ANO1: variants seen among roughly 807,000 people sequenced by gnomAD.
The protein encoded by ANO1 is anoctamin-1.
A neutral mutation model predicts 124.0 loss-of-function variants in ANO1; 59 were observed. That is an observed-to-expected ratio of 0.48 (90% CI 0.39 to 0.59). The LOEUF is 0.59. Among genes scored for constraint, ANO1 ranks in the 20% least tolerant of loss-of-function variants. The pLI, the probability that ANO1 is intolerant of heterozygous loss-of-function variation, is 0.00. For missense variants in ANO1, 1,059 were observed against 1,328.0 expected, an observed-to-expected ratio of 0.80 and a Z score of 3.15; for synonymous variants, 529 against 532.0, an observed-to-expected ratio of 0.99 and a Z score of 0.08.
chr11:70,119,502 T>C (rs1237470737), intron 8 of ANO1, among the ~76,000 whole-genome samples: 2 of 150,530 alleles, frequency 1.3e-5, no homozygotes, highest in East Asian at 4.0e-4. Context: ...GAATGAATGA[T>C]GGATGATGGG....
chr11:70,128,656 C>T (rs2135507807), intron 10 of ANO1, among the ~76,000 whole-genome samples: 1 of 152,368 alleles, frequency 6.6e-6, no homozygotes, highest in African/African-American at 2.4e-5. Flanking sequence ...CCTGCAGCTT[C>T]CGCCCCATCC....
intron 2 of ANO1, among the ~76,000 whole-genome samples, chr11:70,098,073 A>G (rs2045085379): frequency 6.6e-6 from 1 of 152,178 alleles, no homozygotes; most frequent in Admixed American, 6.5e-5. Flanking sequence ...GGCACCCGCC[A>G]AGGCTCCTGG....
intron 1 of ANO1, among the ~76,000 whole-genome samples, chr11:70,058,468 A>G (rs1042771347): frequency 1.3e-5 from 2 of 152,232 alleles, no homozygotes; most frequent in Non-Finnish European, 2.9e-5. Context: ...AAGGATTAAT[A>G]AAGTTTGTGA....
chr11:70,032,892 GA>G (rs1365941148), intron 1 of ANO1, among the ~76,000 whole-genome samples: 2 of 150,500 alleles, frequency 1.3e-5, no homozygotes, highest in African/African-American at 2.5e-5. Context: ...AGGAGGGAGA[GA>G]GAGAAGGGAG....
At chr11:70,098,832 T>C (rs991571254) in intron 2 of ANO1, among the ~76,000 whole-genome samples, 2 of 152,186 alleles carry the variant, frequency 1.3e-5, no homozygotes, top group African/African-American at 4.8e-5. Flanking sequence ...TCAGCATCCC[T>C]GCCCACTGTG....
chr11:70,111,865 T>G, intron 7 of ANO1, 103 bp downstream of exon 7: 1 of 1,213,858 alleles, frequency 8.2e-7, no homozygotes, highest in Non-Finnish European at 1.2e-6. Context: ...GGTCACAGCT[T>G]CCTGCTTGGC....
At chr11:69,981,838 A>G (rs1554996247), upstream of ANO1, among the ~76,000 whole-genome samples, 2 of 152,266 alleles carry the variant, frequency 1.3e-5, no homozygotes, top group Non-Finnish European at 2.9e-5. Context: ...CACCCAGACC[A>G]TGGAATATTA....
rs1285208076 is a variant in ANO1 at position 69,994,375 on chromosome 11, GATGA to G, written c.58+8213_58+8216del. On this transcript the variant is annotated intron_variant, in intron 1 of 27. Transcript: ENST00000531349. ...GGGTGGATGGGTGGATGGATGGGTG[GATGA>G]ATGGATGGATGGGTGGGTGGATGGA... 5.8e-3 allele frequency among the ~76,000 whole-genome samples: 475 copies of G among 82,506 alleles called. 5 individuals are homozygous for G. Among genetic ancestry groups the G allele is most frequent in the African/African-American group, 0.018 (458 of 25,840 alleles). The allele number at this position is 82,506 out of a possible 152,430, so 54.1% of individuals were successfully genotyped here.
At chr11:70,025,841 GATGATGGTGGTGGTGATGGTGA>G (rs1856891212) in intron 1 of ANO1, among the ~76,000 whole-genome samples, 5 of 148,784 alleles carry the variant, frequency 3.4e-5, no homozygotes, top group Admixed American at 6.7e-5. Flanking sequence ...TGGTGATGAT[GATGATGGTGGTGGTGATGGTGA>G]TGATGATGAT....
chr11:70,036,806 A>G (rs1857101734), intron 1 of ANO1, among the ~76,000 whole-genome samples: 1 of 152,058 alleles, frequency 6.6e-6, no homozygotes, highest in African/African-American at 2.4e-5. Context: ...ATGGGGTTTC[A>G]CCGTGTTAGC....
chr11:69,971,890 T>C, the ANO1 span, among the ~76,000 whole-genome samples: 1 of 152,088 alleles, frequency 6.6e-6, no homozygotes, highest in African/African-American at 2.4e-5. Context: ...ACTGCTTCAG[T>C]CTGTGAGATG....
At chr11:70,185,926 C>T (rs986793798) in intron 25 of ANO1, among the ~76,000 whole-genome samples, 1 of 152,124 alleles carries the variant, frequency 6.6e-6, no homozygotes, top group African/African-American at 2.4e-5. Context: ...ATAGAGGGGC[C>T]GGATGAGCAC....
At chr11:70,088,328 G>A (rs1383425777) in intron 2 of ANO1, among the ~76,000 whole-genome samples, 8 of 152,122 alleles carry the variant, frequency 5.3e-5, no homozygotes, top group South Asian at 2.1e-4. Context: ...TGGCCAACAC[G>A]GTGAAACCCC....
At chr11:70,147,085 A>C (rs2047406384) in intron 11 of ANO1, among the ~76,000 whole-genome samples, 1 of 152,268 alleles carries the variant, frequency 6.6e-6, no homozygotes, top group Admixed American at 6.5e-5. Context: ...GCGGGTAAAC[A>C]GGCCAACTCT....
chr11:69,984,375 CGGACTGAAACG>C (rs1565153698), upstream of ANO1, among the ~76,000 whole-genome samples: 3 of 151,730 alleles, frequency 2.0e-5, no homozygotes, highest in Non-Finnish European at 4.4e-5. Flanking sequence ...ATTTTGAGTC[CGGACTGAAACG>C]AGATCATTTC....
In ANO1 at chr11:70,187,905, G is replaced by A. The variant is rs1262506801; in HGVS notation, c.2862G>A (p.Gln954=). The change falls in exon 26 of 26, where the codon CAG becomes CAA. Residue 954 remains glutamine, a synonymous_variant. Transcript: ENST00000355303. ...AAACCTGGATGGAGAAGGAGCGGCAGAAGGACGAGCCGCCGTGCAACCACC... is the reference window on the plus strand; with the variant it reads ...AAACCTGGATGGAGAAGGAGCGGCAAAAGGACGAGCCGCCGTGCAACCACC... ...LLETWMEKER[Q]KDEPPCNHHN... is the part of the protein sequence containing the mutation. The A allele has an allele frequency of 3.8e-6, 6 of 1,595,196 alleles. No homozygotes were observed. The highest frequency in any genetic ancestry group is 1.3e-5 in the African/African-American group (1 of 74,678).
In ANO1 at chr11:70,165,456, C is replaced by A. The variant is rs1341380418; in HGVS notation, c.1951-14C>A. ...TGTCCCTGTAGCGTGGCTGATGCTG[C>A]TCTCTGTCCACAGTGTGCGCCAGGG... On this transcript the variant is annotated splice_polypyrimidine_tract_variant and intron_variant, in intron 19 of 25. Transcript: ENST00000355303. The A allele has an allele frequency of 1.0e-5, 16 of 1,599,508 alleles. No individual in the cohort carries two copies. Among genetic ancestry groups the A allele is most frequent in the Non-Finnish European group, 1.4e-5 (16 of 1,172,772 alleles).
chr11:70,117,940 C>A (rs990434649), intron 8 of ANO1, among the ~76,000 whole-genome samples: 1 of 152,176 alleles, frequency 6.6e-6, no homozygotes, highest in Non-Finnish European at 1.5e-5. Flanking sequence ...TTTAGTGTAA[C>A]ATCTGGCATC....
At chr11:70,036,360 C>T (rs7105446) in intron 1 of ANO1, among the ~76,000 whole-genome samples, 36,367 of 152,008 alleles carry the variant, frequency 0.24, 4,943 homozygotes, top group South Asian at 0.33. Flanking sequence ...TTGGATAATC[C>T]AGGGTGATCT....
Sources: gnomAD v4.1 joint callset for allele counts (sites outside exome capture counted in the v4.1 genomes callset) on GRCh38, gnomAD v4.1.1 for gene constraint, MANE v1.5 for transcripts, NCBI Gene and HGNC (gene_info 2026-07-23, HGNC 2026-07-21) for gene names.